Variants in MYL5 observed in about 807,000 individuals in gnomAD.
MYL5 encodes the protein myosin regulatory light chain 5.
Under a neutral mutation model 20.8 loss-of-function variants are expected in MYL5, and 28 were observed. The observed-to-expected ratio is 1.35, with a 90% CI of 1.00 to 1.84. The LOEUF (loss-of-function observed/expected upper bound fraction) is 1.84. MYL5 is among the 40% of genes most tolerant of loss of function. The pLI is 0.00. For synonymous variants in MYL5, 118 were observed against 87.4 expected (o/e 1.35, Z -1.95); for missense variants, 274 against 227.3 (o/e 1.21, Z -1.32).
At chr4:677,434 C>T (rs1011817187), upstream of MYL5, among the ~76,000 whole-genome samples, 2 of 152,242 alleles carry the variant, frequency 1.3e-5, no homozygotes, top group Non-Finnish European at 2.9e-5. Flanking sequence ...TCCATGGCTC[C>T]TCCAACCCAG....
chr4:680,836 C>T (rs1479216606), intron 5 of MYL5: 4 of 632,372 alleles, frequency 6.3e-6, no homozygotes, highest in East Asian at 2.7e-5. Context: ...ATCTTCAGCT[C>T]CTGCTAGGCG....
At chr4:678,855 G>A (rs575550060) in intron 2 of MYL5, 90 bp downstream of exon 4, 3 of 1,608,212 alleles carry the variant, frequency 1.9e-6, no homozygotes, top group African/African-American at 1.3e-5. Flanking sequence ...GCCAGCAGGA[G>A]TGGAAGCCTA....
In MYL5 at chr4:681,747, C is replaced by A. The variant is rs1272267998; in HGVS notation, c.421-146C>A. 6 of 978,460 alleles carry A rather than the reference C, an allele frequency of 6.1e-6. No individual in the cohort carries two copies. The African/African-American group carries it at 1.1e-4, about 18-fold the overall frequency. 60.6% of individuals were successfully genotyped at this position (978,460 alleles called of 1,614,324 possible). A position where few individuals can be genotyped will look rare whatever the true frequency, so the allele number is the denominator to read the frequency against. On this transcript the variant is annotated intron_variant, in intron 6 of 6. Coordinates refer to ENST00000400159, the Ensembl canonical transcript of MYL5. ...CCCGCCCCCTCCAGCGCCGCCCCGCCCCCTCCAGCGCCGCCCTCACCCCGC... is the reference window on the plus strand; with the variant it reads ...CCCGCCCCCTCCAGCGCCGCCCCGCACCCTCCAGCGCCGCCCTCACCCCGC...
chr4:681,923 G>T (rs763972713), exon 7 of MYL5: 1 of 1,319,612 alleles, frequency 7.6e-7, no homozygotes, highest in South Asian at 2.7e-5. Flanking sequence ...CGCCTCCATC[G>T]ATGTGGCGGG....
chr4:681,024 C>G (rs907078308), intron 5 of MYL5, 68 bp from the exon 8 acceptor site: 64 of 1,531,010 alleles, frequency 4.2e-5, no homozygotes, highest in Middle Eastern at 3.4e-4. Flanking sequence ...CCTGGAGCAC[C>G]TGAGCCCCAC....
At chr4:680,673 G>C (rs760117903) in intron 5 of MYL5, 86 bp downstream of exon 7, 10 of 1,382,454 alleles carry the variant, frequency 7.2e-6, no homozygotes, top group Non-Finnish European at 9.1e-6. Context: ...TCAGCCACCA[G>C]ATGCCACGCC....
chr4:680,606 A>AGGGCGGCCC lies in MYL5; in HGVS notation c.371+22_371+30dup, dbSNP rs755997451. 3.1e-6 allele frequency: 5 copies of AGGGCGGCCC among 1,610,522 alleles called. No homozygotes were observed. Among genetic ancestry groups the AGGGCGGCCC allele is most frequent in the Non-Finnish European group, 4.2e-6 (5 of 1,178,724 alleles). On this transcript the variant is annotated intron_variant, in intron 5 of 6. Coordinates refer to ENST00000400159, the Ensembl canonical transcript of MYL5. ...AGGAGTAGTGAGTGCCCGGGCGGCC[A>AGGGCGGCCC]GGGCGGCCCGGCTTCCGGGGAACCC...
chr4:681,312 G>C (rs575910949), intron 6 of MYL5, among the ~76,000 whole-genome samples, 172 bp downstream of exon 8: 265 of 152,208 alleles, frequency 1.7e-3, no homozygotes, highest in African/African-American at 6.1e-3. Flanking sequence ...AACTGGCTCA[G>C]AGGGATCAGG....
At chr4:680,482 C>T (rs970028455) in intron 4 of MYL5, 27 bp from the exon 7 acceptor site, 2 of 1,612,636 alleles carry the variant, frequency 1.2e-6, no homozygotes, top group Admixed American at 1.7e-5. Context: ...CCCTGACGGC[C>T]CTGGGCTGAA....
intron 5 of MYL5, 29 bp downstream of exon 7, chr4:680,616 G>T: frequency 6.2e-7 from 1 of 1,604,916 alleles, no homozygotes; most frequent in Non-Finnish European, 8.5e-7. Context: ...AGGGCGGCCC[G>T]GCTTCCGGGG....
In MYL5 at chr4:680,026, C is replaced by T. The variant is rs965545055; in HGVS notation, c.292+8C>T. 6 of 1,606,100 alleles carry T rather than the reference C, an allele frequency of 3.7e-6. No homozygotes were observed. The African/African-American group carries it at 6.7e-5, about 18-fold the overall frequency. On this transcript the variant is annotated splice_region_variant and intron_variant, in intron 4 of 6. Transcript: ENST00000400159. ...TTGGGGAGAAGCTGAGCGGTGAGCA[C>T]CGGTGGGGCAGGCCTGGCCCTCCTA...
chr4:681,932 G>C (rs1011757294), exon 7 of MYL5: 18 of 1,328,004 alleles, frequency 1.4e-5, no homozygotes, highest in Non-Finnish European at 1.8e-5. Context: ...CGATGTGGCG[G>C]GCAACCTGGA....
intron 6 of MYL5, among the ~76,000 whole-genome samples, chr4:681,512 C>T (rs1251489162): frequency 2.0e-5 from 3 of 150,098 alleles, no homozygotes; most frequent in South Asian, 2.1e-4. Context: ...GACCCCCGCA[C>T]CTCCCCCAGA....
chr4:676,836 C>T (rs1738887650), upstream of MYL5: 22 of 978,688 alleles, frequency 2.2e-5, no homozygotes, highest in South Asian at 1.0e-3. Flanking sequence ...TGCAGTCGGC[C>T]CCAGGTCCCT....
At chr4:679,826 G>T in intron 3 of MYL5, 88 bp from the exon 6 acceptor site, 6 of 1,079,910 alleles carry the variant, frequency 5.6e-6, no homozygotes, top group South Asian at 3.9e-5. Context: ...CTTCCCATCT[G>T]CCTGCCTGGC....
Position 678,819 on chromosome 4 carries a change from A to G in MYL5, c.111+54A>G. On this transcript the variant is annotated intron_variant, in intron 2 of 6. Coordinates refer to ENST00000400159, the Ensembl canonical transcript of MYL5. ...CCCACCCCCAGGAGCCTGTGCTGGG[A>G]AGACCCCATGTGGGCTGGCTCCAGG... The G allele has an allele frequency of 2.5e-6, 4 of 1,608,844 alleles. No individual in the cohort carries two copies. The East Asian group carries it at 6.7e-5, about 27-fold the overall frequency.
At chr4:680,731 G>C in intron 5 of MYL5, 144 bp downstream of exon 7, 2 of 843,142 alleles carry the variant, frequency 2.4e-6, no homozygotes, top group South Asian at 1.7e-5. Context: ...AGCGAACCCA[G>C]GATCCCAGCT....
At chr4:676,316 T>C (rs1198184083), upstream of MYL5, 1 of 151,722 alleles carries the variant, frequency 6.6e-6, no homozygotes, top group East Asian at 1.9e-4. Flanking sequence ...AGGTAGGGGG[T>C]GAGGGGGACA....
At chr4:680,652 A>C in intron 5 of MYL5, 65 bp downstream of exon 7, 2 of 1,518,874 alleles carry the variant, frequency 1.3e-6, no homozygotes, top group Admixed American at 1.8e-5. Flanking sequence ...ATCCTGTCCC[A>C]AAAGGGACAG....
Sources: allele counts gnomAD v4.1 joint callset (sites outside exome capture counted in the v4.1 genomes callset), GRCh38; gene constraint gnomAD v4.1.1; transcripts MANE v1.5; gene names NCBI Gene and HGNC (gene_info 2026-07-23, HGNC 2026-07-21).